ANKUB1: variants seen among roughly 807,000 people sequenced by gnomAD.
The protein encoded by ANKUB1 is protein ANKUB1.
Under a neutral mutation model 49.3 loss-of-function variants are expected in ANKUB1, and 42 were observed. That is an observed-to-expected ratio of 0.85 (90% CI 0.67 to 1.10). ANKUB1 has a LOEUF of 1.10. Ranked by LOEUF, ANKUB1 falls within the 50% of genes least tolerant of loss-of-function variation. The probability of loss-of-function intolerance (pLI) is 0.00; values close to 1 mark genes in which losing one functional copy is unlikely to be tolerated. For synonymous variants in ANKUB1, 222 were observed against 231.0 expected (o/e 0.96, Z 0.35); for missense variants, 613 against 642.0 (o/e 0.95, Z 0.49).
At position 149,770,608 on chromosome 3, in the gene ANKUB1, T is replaced by C. The variant is rs1378188289; in HGVS notation, c.518A>G (p.Gln173Arg). The change falls in exon 4 of 6, where the codon CAA becomes CGA. Residue 173 changes from glutamine to arginine, a missense_variant. By Grantham distance (43) the Gln-to-Arg change is conservative. Transcript: ENST00000446160. ...KEFLMGCLLGQKLKVQRYLSK... is the reference protein window; with the variant it reads ...KEFLMGCLLGRKLKVQRYLSK... ...TAAGTAGCGTTGGACTTTAAGTTTT[T>C]GTCCAAGGAGACAACCCATCAGAAA... is the stretch of plus-strand genomic sequence containing the variant. The C allele has an allele frequency of 6.4e-7, 1 of 1,550,460 alleles. No homozygotes were observed. The highest frequency in any genetic ancestry group is 8.7e-7 in the Non-Finnish European group (1 of 1,146,528).
intron 3 of ANKUB1, among the ~76,000 whole-genome samples, chr3:149,777,223 C>T (rs991392482): frequency 1.3e-5 from 2 of 152,148 alleles, no homozygotes; most frequent in African/African-American, 4.8e-5. Context: ...CCTGTAATCC[C>T]AGCACTTTGG....
At position 149,768,028 on chromosome 3, in the gene ANKUB1, G is replaced by A. The variant is rs1159181943; in HGVS notation, c.634C>T (p.Leu212=). The change falls in exon 5 of 6, where the codon CTG becomes TTG. Residue 212 remains leucine, a synonymous_variant. Coordinates refer to ENST00000446160, the MANE Select transcript of ANKUB1 (RefSeq NM_001144960.3). ...CGYIELTEWA[L]KQGARPHEAV... is the part of the protein sequence containing the mutation. ...TCGTGGGGCCGCGCACCCTGCTTCA[G>A]GGCCCATTCAGTGAGTTCAATGTAC... is the stretch of plus-strand genomic sequence containing the variant. The A allele has an allele frequency of 6.8e-7, 1 of 1,478,452 alleles. No individual in the cohort carries two copies. 91.6% of individuals were successfully genotyped at this position (1,478,452 alleles called of 1,614,324 possible).
chr3:149,765,609 C>T (rs920930835), intron 5 of ANKUB1, among the ~76,000 whole-genome samples: 6 of 152,098 alleles, frequency 3.9e-5, no homozygotes, highest in Non-Finnish European at 8.8e-5. Context: ...TTCCATTCTG[C>T]TGGGCACAGC....
At chr3:149,762,720 G>A (rs902017866) in intron 5 of ANKUB1, among the ~76,000 whole-genome samples, 3 of 152,148 alleles carry the variant, frequency 2.0e-5, no homozygotes, top group Non-Finnish European at 4.4e-5. Context: ...ACTTCTATGA[G>A]CTTCCCACCT....
In ANKUB1 at chr3:149,792,382, T is replaced by A; in HGVS notation, c.-16A>T. 1 of 1,455,080 alleles carries A rather than the reference T, an allele frequency of 6.9e-7. No individual in the cohort carries two copies. Among genetic ancestry groups the A allele is most frequent in the African/African-American group, 1.4e-5 (1 of 69,136 alleles). The allele number at this position is 1,455,080 out of a possible 1,614,324, so 90.1% of individuals were successfully genotyped here. A position where few individuals can be genotyped will look rare whatever the true frequency, so the allele number is the denominator to read the frequency against. ...AAATCCTCATTGTACAATTACCTTT[T>A]CAAACAAAAAATATCCAACTTTTTC... On this transcript the variant is annotated 5_prime_UTR_variant, in exon 1 of 6. Coordinates refer to ENST00000446160, the MANE Select transcript of ANKUB1 (RefSeq NM_001144960.3).
intron 2 of ANKUB1, among the ~76,000 whole-genome samples, chr3:149,786,827 G>C (rs1210259963): frequency 6.6e-6 from 1 of 152,096 alleles, no homozygotes; most frequent in Non-Finnish European, 1.5e-5. Flanking sequence ...TATTAAATAG[G>C]GAATGCTTTC....
chr3:149,786,230 T>C (rs2108280092), intron 2 of ANKUB1, among the ~76,000 whole-genome samples: 1 of 152,218 alleles, frequency 6.6e-6, no homozygotes, highest in African/African-American at 2.4e-5. Flanking sequence ...AGAAACGGGG[T>C]TTCACTGTGT....
At chr3:149,782,351 T>A (rs1264492542) in intron 2 of ANKUB1, among the ~76,000 whole-genome samples, 1 of 151,572 alleles carries the variant, frequency 6.6e-6, no homozygotes, top group East Asian at 1.9e-4. Context: ...ACCTCCTGAG[T>A]AGCTGGGGAA....
chr3:149,768,129 T>A, intron 4 of ANKUB1, 34 bp from the exon 5 acceptor site: 2 of 1,304,460 alleles, frequency 1.5e-6, no homozygotes, highest in Non-Finnish European at 2.0e-6. Context: ...AGGGGGTGTT[T>A]AGAAAATCAG....
In ANKUB1 at chr3:149,761,156, G is replaced by GA. The variant is rs34971698; in HGVS notation, c.*327dup. ...AAAAAACCAAAACACATTTTTTTAGGAAAAAAAAAGAAAAACAAACAAAGG... is the reference window on the plus strand; with the variant it reads ...AAAAAACCAAAACACATTTTTTTAGGAAAAAAAAAAGAAAAACAAACAAAGG... On this transcript the variant is annotated 3_prime_UTR_variant, in exon 6 of 6. Coordinates refer to ENST00000446160, the MANE Select transcript of ANKUB1 (RefSeq NM_001144960.3). The GA allele has an allele frequency of 3.8e-4, 60 of 158,764 alleles. No individual in the cohort carries two copies. The highest frequency in any genetic ancestry group is 2.7e-3 in the Middle Eastern group (1 of 370). The allele number at this position is 158,764 out of a possible 1,614,324, so 9.8% of individuals were successfully genotyped here. A position where few individuals can be genotyped will look rare whatever the true frequency, so the allele number is the denominator to read the frequency against.
Position 149,761,405 on chromosome 3 carries a change from T to C in ANKUB1, c.*79A>G. The C allele has an allele frequency of 6.8e-7, 1 of 1,474,896 alleles. No individual in the cohort carries two copies. The highest frequency in any genetic ancestry group is 9.2e-7 in the Non-Finnish European group (1 of 1,089,070). The allele number at this position is 1,474,896 out of a possible 1,614,324, so 91.4% of individuals were successfully genotyped here. ...TTACTAGAGATGATAACATTAGAAC[T>C]GTTATTAGAAATGTTAACATTAGAA... On this transcript the variant is annotated 3_prime_UTR_variant, in exon 6 of 6. Transcript: ENST00000446160.
Position 149,785,950 on chromosome 3 carries a change from G to A in ANKUB1, c.234+4831C>T, listed in dbSNP as rs1026691379. 3.9e-5 allele frequency among the ~76,000 whole-genome samples: 6 copies of A among 152,192 alleles called. No homozygotes were observed. In the South Asian group the frequency reaches 6.2e-4, roughly 16 times the overall value. ...GTTTCCTGACTTTTTAATGATCACC[G>A]TTCTAACTGGTGTGAGATGGTATCT... On this transcript the variant is annotated intron_variant, in intron 2 of 5. Transcript: ENST00000446160.
In ANKUB1 at chr3:149,768,549, TC is replaced by T. The variant is rs551775147; in HGVS notation, c.567-455del. Among the ~76,000 whole-genome samples, 846 of 149,186 alleles carry T rather than the reference TC, an allele frequency of 5.7e-3. 8 individuals carry two copies. Among genetic ancestry groups the T allele is most frequent in the African/African-American group, 0.018 (742 of 40,216 alleles). On this transcript the variant is annotated intron_variant, in intron 4 of 5. Coordinates refer to ENST00000446160, the MANE Select transcript of ANKUB1 (RefSeq NM_001144960.3). ...ACATGGGGCAGGTTTTCTTCCTCCA[TC>T]CCCCCTCCCCAGACAGAGTCTTGCT... is the stretch of plus-strand genomic sequence containing the variant.
chr3:149,767,878 A>G lies in ANKUB1; in HGVS notation c.784T>C (p.Tyr262His), dbSNP rs1329928481. 1 of 1,551,690 alleles carries G rather than the reference A, an allele frequency of 6.4e-7. No homozygotes were observed. Among genetic ancestry groups the G allele is most frequent in the Non-Finnish European group, 8.7e-7 (1 of 1,146,966 alleles). Residue 262 changes from tyrosine (Y) to histidine (H), a missense_variant, in exon 5 of 6, where the codon TAC becomes CAC. Transcript: ENST00000446160. ...QLLILKAFVN[Y>H]SVLCLECKNA... ...TTGCATTCCAGGCACAGCACACTGT[A>G]GTTGACAAAGGCCTTCAGAATCAAC...
At chr3:149,789,896 C>G (rs1718285687) in intron 2 of ANKUB1, among the ~76,000 whole-genome samples, 1 of 152,104 alleles carries the variant, frequency 6.6e-6, no homozygotes, top group Non-Finnish European at 1.5e-5. Context: ...AGCCACTGCA[C>G]CCAGCCCAGA....
At chr3:149,767,031 G>T in intron 5 of ANKUB1, 126 bp downstream of exon 5, 1 of 1,049,334 alleles carries the variant, frequency 9.5e-7, no homozygotes, top group Non-Finnish European at 1.4e-6. Flanking sequence ...CTTGAAGCTG[G>T]GTATTGATGC....
At chr3:149,766,970 G>A (rs1000493144) in intron 5 of ANKUB1, 187 bp downstream of exon 5, 6 of 1,003,990 alleles carry the variant, frequency 6.0e-6, no homozygotes, top group South Asian at 2.9e-5. Context: ...AGATTGGATT[G>A]GCCAATAATA....
At chr3:149,789,315 A>G (rs1718255249) in intron 2 of ANKUB1, among the ~76,000 whole-genome samples, 1 of 152,184 alleles carries the variant, frequency 6.6e-6, no homozygotes, top group African/African-American at 2.4e-5. Context: ...AAGCAAGCAA[A>G]CAATAAAAAG....
At chr3:149,765,990 C>T (rs955046424) in intron 5 of ANKUB1, among the ~76,000 whole-genome samples, 1 of 152,218 alleles carries the variant, frequency 6.6e-6, no homozygotes. Context: ...AAGACCAGTA[C>T]AGAAAAGCAA....
Sources: gnomAD v4.1 joint callset for allele counts (sites outside exome capture counted in the v4.1 genomes callset) on GRCh38, gnomAD v4.1.1 for gene constraint, MANE v1.5 for transcripts, NCBI Gene and HGNC (gene_info 2026-07-23, HGNC 2026-07-21) for gene names.